The following SCAMP1 variants were observed in gnomAD, a reference collection of about 807,000 sequenced individuals.
SCAMP1 encodes secretory carrier-associated membrane protein 1.
A neutral mutation model predicts 41.8 loss-of-function variants in SCAMP1; 15 were observed. The ratio of observed to expected loss-of-function variants is 0.36; its 90% CI spans 0.24 to 0.55. The LOEUF (loss-of-function observed/expected upper bound fraction) is 0.55. Ranked by LOEUF, SCAMP1 falls within the 20% of genes least tolerant of loss-of-function variation. The pLI is 0.86. For synonymous variants in SCAMP1, 135 were observed against 136.8 expected, an observed-to-expected ratio of 0.99 and a Z score of 0.09; for missense variants, 341 against 412.6, an observed-to-expected ratio of 0.83 and a Z score of 1.50.
chr5:78,425,842 A>G (rs1473362090), intron 6 of SCAMP1, among the ~76,000 whole-genome samples: 5 of 152,104 alleles, frequency 3.3e-5, no homozygotes, highest in Non-Finnish European at 5.9e-5. Flanking sequence ...GGTCTATTAC[A>G]TAGGTGTACG....
intron 6 of SCAMP1, among the ~76,000 whole-genome samples, chr5:78,444,186 TAAGAC>T (rs985421583): frequency 1.1e-4 from 16 of 152,150 alleles, no homozygotes; most frequent in African/African-American, 3.9e-4. Flanking sequence ...AGCCCCCAAA[TAAGAC>T]AAGAAAAGCA....
rs1325107681 is a variant in SCAMP1 at position 78,460,816 on chromosome 5, C to CTTTCTTTCTTTCTTTCTTTCTTT, written c.852+1454_852+1455insTTTCTTTCTTTCTTTCTTTCTTT. Among the ~76,000 whole-genome samples the CTTTCTTTCTTTCTTTCTTTCTTT allele has an allele frequency of 1.6e-3, 44 of 26,820 alleles. 7 individuals are homozygous for CTTTCTTTCTTTCTTTCTTTCTTT. The highest frequency in any genetic ancestry group is 4.0e-3 in the Non-Finnish European group (30 of 7,558). The allele number at this position is 26,820 out of a possible 152,430, so 17.6% of individuals were successfully genotyped here. A position where few individuals can be genotyped will look rare whatever the true frequency, so the allele number is the denominator to read the frequency against. On this transcript the variant is annotated intron_variant, in intron 8 of 8. Transcript: ENST00000621999. Reference sequence around the variant, plus strand: ...TCCTTCCTTCCTTCCTCCCTTCCTTCCTTCCTTTCTTGTCTTTCCTCTATC... The same window carrying CTTTCTTTCTTTCTTTCTTTCTTT: ...TCCTTCCTTCCTTCCTCCCTTCCTTCTTTCTTTCTTTCTTTCTTTCTTTCTTCCTTTCTTGTCTTTCCTCTATC...
At position 78,361,030 on chromosome 5, in the gene SCAMP1, C is replaced by T. The variant is rs1040685466; in HGVS notation, c.57+302C>T. The T allele has an allele frequency of 8.9e-6, 3 of 337,868 alleles. No homozygotes were observed. In the Admixed American group the frequency reaches 1.5e-4, roughly 17 times the overall value. The allele number at this position is 337,868 out of a possible 1,614,324, so 20.9% of individuals were successfully genotyped here. ...GCGCGCCCGGAGGGGTCCTGGCCCGCCTCTCAGGAGAGAAAGCCGAGGGCA... is the reference window on the plus strand; with the variant it reads ...GCGCGCCCGGAGGGGTCCTGGCCCGTCTCTCAGGAGAGAAAGCCGAGGGCA... On this transcript the variant is annotated intron_variant, in intron 1 of 8. Coordinates refer to ENST00000621999, the MANE Select transcript of SCAMP1 (RefSeq NM_004866.6).
intron 2 of SCAMP1, among the ~76,000 whole-genome samples, chr5:78,391,437 G>A (rs1370073089): frequency 7.9e-5 from 12 of 151,864 alleles, no homozygotes; most frequent in Non-Finnish European, 1.3e-4. Context: ...TCCCGGACAG[G>A]GCGGCTGGCC....
intron 7 of SCAMP1, among the ~76,000 whole-genome samples, chr5:78,457,368 G>C (rs1171315558): frequency 6.6e-6 from 1 of 151,932 alleles, no homozygotes; most frequent in Admixed American, 6.6e-5. Context: ...TTTTTGGTGT[G>C]GATGTCCTTT....
chr5:78,465,925 A>G (rs1184780610), intron 8 of SCAMP1, among the ~76,000 whole-genome samples: 3 of 152,108 alleles, frequency 2.0e-5, no homozygotes, highest in African/African-American at 4.8e-5. Flanking sequence ...AATCTAGAAC[A>G]CTCTTCTTAA....
At chr5:78,458,669 C>G (rs759492771) in intron 7 of SCAMP1, among the ~76,000 whole-genome samples, 3 of 152,150 alleles carry the variant, frequency 2.0e-5, no homozygotes, top group African/African-American at 7.2e-5. Flanking sequence ...ATCACGAGGT[C>G]AGGAGTTCGA....
intron 6 of SCAMP1, among the ~76,000 whole-genome samples, chr5:78,443,189 GGCAACAGA>G (rs1482161230): frequency 1.4e-5 from 2 of 145,124 alleles, no homozygotes; most frequent in African/African-American, 5.2e-5. Context: ...CTCCAGCCTG[GGCAACAGA>G]GCTAGACTCT....
At chr5:78,423,388 G>C (rs1050158823) in intron 6 of SCAMP1, among the ~76,000 whole-genome samples, 1 of 152,110 alleles carries the variant, frequency 6.6e-6, no homozygotes, top group African/African-American at 2.4e-5. Flanking sequence ...TATTTTCTTC[G>C]TTATCTAAGC....
At chr5:78,394,805 A>G (rs569917110) in intron 2 of SCAMP1, among the ~76,000 whole-genome samples, 54 of 152,240 alleles carry the variant, frequency 3.5e-4, no homozygotes, top group Admixed American at 3.3e-4. Context: ...CTTACATCCT[A>G]GTATCGTTGG....
At chr5:78,440,443 G>GCTGCA (rs1056536550) in intron 6 of SCAMP1, among the ~76,000 whole-genome samples, 10 of 152,208 alleles carry the variant, frequency 6.6e-5, no homozygotes, top group Non-Finnish European at 1.0e-4. Flanking sequence ...AGGACTGTCA[G>GCTGCA]CTGCAGGTCT....
At chr5:78,433,623 C>T (rs970532176) in intron 6 of SCAMP1, among the ~76,000 whole-genome samples, 1 of 152,142 alleles carries the variant, frequency 6.6e-6, no homozygotes, top group Non-Finnish European at 1.5e-5. Context: ...CCTGCTTTTC[C>T]AGAAGCTTTT....
At chr5:78,405,190 C>A (rs896297687) in intron 2 of SCAMP1, among the ~76,000 whole-genome samples, 4 of 152,142 alleles carry the variant, frequency 2.6e-5, no homozygotes, top group African/African-American at 9.7e-5. Context: ...GTGGTAAATT[C>A]TAAACTCCTT....
At chr5:78,434,873 G>C (rs1752709919) in intron 6 of SCAMP1, among the ~76,000 whole-genome samples, 1 of 152,186 alleles carries the variant, frequency 6.6e-6, no homozygotes, top group South Asian at 2.1e-4. Flanking sequence ...AGAGGAATGA[G>C]ATTACCTTTT....
At chr5:78,387,303 T>C (rs115426401) in intron 1 of SCAMP1, among the ~76,000 whole-genome samples, 2,319 of 152,074 alleles carry the variant, frequency 0.015, 57 homozygotes, top group African/African-American at 0.053. Context: ...TTTCCAGAAG[T>C]TGCGATTGTT....
At chr5:78,410,108 ACT>A (rs1348805528) in intron 2 of SCAMP1, among the ~76,000 whole-genome samples, 8 of 143,234 alleles carry the variant, frequency 5.6e-5, no homozygotes, top group Admixed American at 2.1e-4. Flanking sequence ...GGTGCCGGGA[ACT>A]CTTTTTCTTT....
At chr5:78,461,160 T>C (rs868449253) in intron 8 of SCAMP1, among the ~76,000 whole-genome samples, 4 of 152,196 alleles carry the variant, frequency 2.6e-5, no homozygotes, top group Non-Finnish European at 2.9e-5. Flanking sequence ...TTAGTGTTTC[T>C]TTTGCTATGC....
intron 6 of SCAMP1, among the ~76,000 whole-genome samples, chr5:78,443,980 T>C (rs751984587): frequency 6.6e-6 from 1 of 152,152 alleles, no homozygotes; most frequent in Admixed American, 6.5e-5. Flanking sequence ...AGAGATAGAC[T>C]CTATTATAAA....
At chr5:78,363,680 A>G (rs1750721018) in intron 1 of SCAMP1, among the ~76,000 whole-genome samples, 1 of 152,110 alleles carries the variant, frequency 6.6e-6, no homozygotes, top group Non-Finnish European at 1.5e-5. Context: ...TTATGTTAGG[A>G]ATACTTCTGC....
Sources: gnomAD v4.1 joint callset for allele counts (sites outside exome capture counted in the v4.1 genomes callset) on GRCh38, gnomAD v4.1.1 for gene constraint, MANE v1.5 for transcripts, NCBI Gene and HGNC (gene_info 2026-07-23, HGNC 2026-07-21) for gene names.